Variants in MID1 observed in about 807,000 individuals in gnomAD.
MID1 encodes E3 ubiquitin-protein ligase Midline-1.
MID1 carries 7 observed loss-of-function variants against 40.4 expected under a neutral mutation model. That is an observed-to-expected ratio of 0.17 (90% CI 0.10 to 0.33). MID1 has a LOEUF of 0.33. MID1 is among the 10% of genes least tolerant of loss of function. MID1 has a pLI of 1.00. For missense variants in MID1, 367 were observed against 558.5 expected (o/e 0.66, Z 3.46); for synonymous variants, 229 against 221.2 (o/e 1.04, Z -0.31).
rs1205598843 is a variant in MID1 at position 10,805,349 on chromosome X, C to T, written c.-187+28205G>A. ...GGTTTTTTGTTCTTGCGATAGTTTA[C>T]TGAGAATGATGATTTCCAATTTCAT... On this transcript the variant is annotated intron_variant, in intron 1 of 10. Coordinates refer to the MID1 transcript ENST00000380785. Among the ~76,000 whole-genome samples the T allele has an allele frequency of 3.8e-5, 4 of 104,160 alleles. No individual in the cohort carries two copies. In the East Asian group the frequency reaches 1.2e-3, roughly 32 times the overall value. The allele number at this position is 104,160 out of a possible 115,157, so 90.5% of individuals were successfully genotyped here. A position where few individuals can be genotyped will look rare whatever the true frequency, so the allele number is the denominator to read the frequency against.
At chrX:10,650,906 C>G (rs755938588) in intron 1 of MID1, among the ~76,000 whole-genome samples, 18 of 111,269 alleles carry the variant, frequency 1.6e-4, no homozygotes, top group Non-Finnish European at 3.4e-4. Flanking sequence ...TTGAACACAT[C>G]CAGGGACAGA....
chrX:10,578,515 C>G (rs1371802507), intron 1 of MID1, among the ~76,000 whole-genome samples: 1 of 112,719 alleles, frequency 8.9e-6, no homozygotes, highest in Admixed American at 9.3e-5. Context: ...AATCTGACAA[C>G]TTGCAGATGA....
chrX:10,827,813 G>T (rs764892754), intron 1 of MID1, among the ~76,000 whole-genome samples: 1 of 110,649 alleles, frequency 9.0e-6, no homozygotes. Context: ...AAAGTATGTC[G>T]GCACGGTGCA....
At chrX:10,476,460 C>T (rs901182961) in intron 5 of MID1, among the ~76,000 whole-genome samples, 2 of 110,711 alleles carry the variant, frequency 1.8e-5, no homozygotes, top group African/African-American at 6.6e-5. Context: ...AGGTATGAGC[C>T]ACCACACCCA....
chrX:10,589,152 C>G (rs1935212986), intron 1 of MID1, among the ~76,000 whole-genome samples: 1 of 111,730 alleles, frequency 9.0e-6, no homozygotes, highest in East Asian at 2.8e-4. Context: ...TTAGAGTATC[C>G]AGAAATCTAA....
At chrX:10,574,787 T>C (rs1318591032) in intron 1 of MID1, among the ~76,000 whole-genome samples, 1 of 112,646 alleles carries the variant, frequency 8.9e-6, no homozygotes, top group Non-Finnish European at 1.9e-5. Context: ...CCAGGGAAAT[T>C]AGTGAGTCAT....
At position 10,562,911 on chromosome X, in the gene MID1, T is replaced by G. The variant is rs926005186; in HGVS notation, c.660+3977A>C. On this transcript the variant is annotated intron_variant, in intron 2 of 9. Transcript: ENST00000317552. ...ATAAATAAATGCATGTATGTATATGTATATGCAAGTATGTGTGTGCATCAC... is the reference window on the plus strand; with the variant it reads ...ATAAATAAATGCATGTATGTATATGGATATGCAAGTATGTGTGTGCATCAC... 2.8e-5 allele frequency among the ~76,000 whole-genome samples: 3 copies of G among 107,109 alleles called. 1 individual carries two copies. Among genetic ancestry groups the G allele is most frequent in the Admixed American group, 9.7e-5 (1 of 10,260 alleles). The allele number at this position is 107,109 out of a possible 115,157, so 93.0% of individuals were successfully genotyped here.
intron 1 of MID1, among the ~76,000 whole-genome samples, chrX:10,660,079 C>A (rs961477474): frequency 8.9e-6 from 1 of 112,049 alleles, no homozygotes. Flanking sequence ...CCTCTGACCC[C>A]ACAGTCGTGT....
At chrX:10,676,370 C>A (rs143374972) in intron 1 of MID1, among the ~76,000 whole-genome samples, 2 of 112,023 alleles carry the variant, frequency 1.8e-5, no homozygotes, top group African/African-American at 6.5e-5. Flanking sequence ...CAGACAGAGA[C>A]GATGCAGGAC....
At position 10,626,319 on chromosome X, in the gene MID1, A is replaced by ATTG. The variant is rs1476763265; in HGVS notation, c.-186-5901_-186-5900insCAA. Among the ~76,000 whole-genome samples the ATTG allele has an allele frequency of 6.9e-5, 7 of 101,138 alleles. No homozygotes were observed. The South Asian group carries it at 1.3e-3, about 19-fold the overall frequency. The allele number at this position is 101,138 out of a possible 115,157, so 87.8% of individuals were successfully genotyped here. On this transcript the variant is annotated intron_variant, in intron 1 of 10. Transcript: ENST00000380785. ...TAGGTGATCATATGAAACTATTATT[A>ATTG]TTATTATTATTATTATTATTATTAT...
chrX:10,645,556 G>A (rs938227044), intron 1 of MID1, among the ~76,000 whole-genome samples: 2 of 112,075 alleles, frequency 1.8e-5, no homozygotes, highest in Non-Finnish European at 3.8e-5. Context: ...AAATATGTAA[G>A]GAGGCAGCTT....
intron 1 of MID1, among the ~76,000 whole-genome samples, chrX:10,736,040 CAA>C (rs1002187668): frequency 1.3e-4 from 15 of 112,357 alleles, no homozygotes; most frequent in Middle Eastern, 4.6e-3. Context: ...AATCAGTTGT[CAA>C]AGAGTTAGTT....
intron 3 of MID1, among the ~76,000 whole-genome samples, chrX:10,511,728 C>T (rs1932170439): frequency 8.9e-6 from 1 of 112,040 alleles, no homozygotes; most frequent in South Asian, 3.7e-4. Flanking sequence ...GGTTGAGTAT[C>T]CCTTATCCTA....
chrX:10,639,964 C>T (rs907738677), intron 1 of MID1, among the ~76,000 whole-genome samples: 1 of 111,472 alleles, frequency 9.0e-6, no homozygotes, highest in Non-Finnish European at 1.9e-5. Flanking sequence ...CAAGCAAATG[C>T]TGAGAGATTT....
chrX:10,614,131 T>C (rs756184569), intron 1 of MID1, among the ~76,000 whole-genome samples: 46 of 110,169 alleles, frequency 4.2e-4, no homozygotes, highest in Non-Finnish European at 5.9e-4. Context: ...GACAAACGAG[T>C]AGAAATATAT....
intron 1 of MID1, among the ~76,000 whole-genome samples, chrX:10,663,596 A>T (rs2042931294): frequency 9.0e-6 from 1 of 111,435 alleles, no homozygotes; most frequent in Non-Finnish European, 1.9e-5. Flanking sequence ...AAGTACTCTG[A>T]GCAAGGATGT....
chrX:10,662,227 C>T (rs1181522501), intron 1 of MID1, among the ~76,000 whole-genome samples: 5 of 111,218 alleles, frequency 4.5e-5, no homozygotes, highest in African/African-American at 6.6e-5. Flanking sequence ...TCTCTTGAAC[C>T]GGGGAGGCGG....
chrX:10,655,757 A>G (rs2042866570), intron 1 of MID1, among the ~76,000 whole-genome samples: 1 of 110,896 alleles, frequency 9.0e-6, no homozygotes, highest in African/African-American at 3.3e-5. Context: ...GGAACCTTTC[A>G]TTAATATATA....
intron 2 of MID1, among the ~76,000 whole-genome samples, chrX:10,560,823 C>CACTTTCCTAGTTGCAAA (rs1222910746): frequency 3.7e-5 from 4 of 107,148 alleles, no homozygotes; most frequent in African/African-American, 1.1e-4. Flanking sequence ...TCAATGCTAT[C>CACTTTCCTAGTTGCAAA]CCCATCAAGC....
Sources: gnomAD v4.1 joint callset for allele counts (sites outside exome capture counted in the v4.1 genomes callset) on GRCh38, gnomAD v4.1.1 for gene constraint, MANE v1.5 for transcripts, NCBI Gene and HGNC (gene_info 2026-07-23, HGNC 2026-07-21) for gene names.